ERC1: variants seen among roughly 807,000 people sequenced by gnomAD.
ERC1 encodes RAB6 interacting protein 2.
ERC1 carries 56 observed loss-of-function variants against 132.0 expected under a neutral mutation model. The observed-to-expected ratio is 0.42, with a 90% CI of 0.34 to 0.53. The LOEUF is 0.53. Among genes scored for constraint, ERC1 ranks in the 20% least tolerant of loss-of-function variants. ERC1 has a pLI of 0.03. For missense variants in ERC1, 1,202 were observed against 1,349.9 expected, an observed-to-expected ratio of 0.89 and a Z score of 1.72; for synonymous variants, 478 against 476.1, an observed-to-expected ratio of 1.00 and a Z score of -0.05.
intron 2 of ERC1, among the ~76,000 whole-genome samples, chr12:1,048,957 G>A (rs1036809826): frequency 6.6e-6 from 1 of 152,102 alleles, no homozygotes; most frequent in Non-Finnish European, 1.5e-5. Context: ...TCTTGCTTCG[G>A]ATCTCCCCTT....
chr12:1,096,056 G>A (rs4766066), intron 3 of ERC1, among the ~76,000 whole-genome samples: 150,856 of 152,108 alleles, frequency 0.99, 74,821 homozygotes, highest in East Asian at 1. Context: ...CCCCGCAAGT[G>A]GCTGGGACTA....
At chr12:1,266,320 T>G (rs2077474003) in intron 14 of ERC1, among the ~76,000 whole-genome samples, 1 of 151,832 alleles carries the variant, frequency 6.6e-6, no homozygotes, top group Admixed American at 6.6e-5. Context: ...TTTATACTTC[T>G]GAAGCCTTAC....
intron 3 of ERC1, among the ~76,000 whole-genome samples, chr12:1,091,478 C>T (rs1426560103): frequency 6.6e-6 from 1 of 152,000 alleles, no homozygotes; most frequent in African/African-American, 2.4e-5. Context: ...GGCTGGAGGG[C>T]AAGAATATAC....
At chr12:1,104,444 G>A (rs1945023820) in intron 3 of ERC1, among the ~76,000 whole-genome samples, 2 of 152,186 alleles carry the variant, frequency 1.3e-5, no homozygotes, top group Non-Finnish European at 1.5e-5. Flanking sequence ...GAGTTATGTG[G>A]AAGATTGACA....
Position 1,176,103 on chromosome 12 carries a change from C to T in ERC1, c.1738-4437C>T, listed in dbSNP as rs528096789. ...TCCAAAAAGTTTTCAATTTACTTTG[C>T]CCAGATCCATCAGAGGAATCACCAA... On this transcript the variant is annotated intron_variant, in intron 8 of 18. Coordinates refer to ENST00000360905, the MANE Select transcript of ERC1 (RefSeq NM_178040.4). Among the ~76,000 whole-genome samples, 96 of 152,270 alleles carry T rather than the reference C, an allele frequency of 6.3e-4. 1 individual carries two copies. The highest frequency in any genetic ancestry group is 2.1e-3 in the African/African-American group (89 of 41,546).
chr12:1,331,763 G>A (rs932969790), intron 15 of ERC1, among the ~76,000 whole-genome samples: 4 of 152,118 alleles, frequency 2.6e-5, no homozygotes, highest in Non-Finnish European at 5.9e-5. Flanking sequence ...GGCTGCTTTC[G>A]GATCCATATT....
chr12:1,357,643 C>T lies in ERC1; in HGVS notation c.2781-14190C>T, dbSNP rs181695411. Among the ~76,000 whole-genome samples the T allele has an allele frequency of 1.0e-3, 155 of 152,286 alleles. 2 individuals carry two copies. The highest frequency in any genetic ancestry group is 3.6e-3 in the African/African-American group (148 of 41,560). On this transcript the variant is annotated intron_variant, in intron 15 of 18. Coordinates refer to ENST00000360905, the MANE Select transcript of ERC1 (RefSeq NM_178040.4). ...CCTTAGTTTGAAGGGACTACATCTT[C>T]ATATGGGAAGATTGTATTCTGAAAT... is the stretch of plus-strand genomic sequence containing the variant.
chr12:1,107,084 T>C (rs1945344914), intron 4 of ERC1, among the ~76,000 whole-genome samples: 1 of 152,230 alleles, frequency 6.6e-6, no homozygotes, highest in African/African-American at 2.4e-5. Context: ...TGCCCTCTCC[T>C]CTTTCGCCTC....
At chr12:1,283,397 C>G (rs116379055) in intron 14 of ERC1, among the ~76,000 whole-genome samples, 1,979 of 152,260 alleles carry the variant, frequency 0.013, 43 homozygotes, top group African/African-American at 0.045. Flanking sequence ...GGTCTTTACC[C>G]TCGTTTCTCT....
chr12:1,455,120 T>C (rs1025711053), intron 18 of ERC1, among the ~76,000 whole-genome samples: 45 of 152,236 alleles, frequency 3.0e-4, no homozygotes, highest in African/African-American at 8.4e-4. Context: ...GAAATACTTA[T>C]TTTTGGAGTG....
intron 18 of ERC1, among the ~76,000 whole-genome samples, chr12:1,487,184 G>A (rs1175482691): frequency 6.6e-6 from 1 of 152,152 alleles, no homozygotes; most frequent in Non-Finnish European, 1.5e-5. Flanking sequence ...GGTGCACCAA[G>A]GCCGCGTGGT....
intron 13 of ERC1, among the ~76,000 whole-genome samples, chr12:1,253,530 G>A (rs1194676245): frequency 2.0e-5 from 3 of 152,020 alleles, no homozygotes; most frequent in Non-Finnish European, 2.9e-5. Flanking sequence ...TACAAAATTC[G>A]CCAGGCGTGG....
chr12:1,368,539 T>C (rs1405773133), intron 15 of ERC1, among the ~76,000 whole-genome samples: 1 of 152,192 alleles, frequency 6.6e-6, no homozygotes, highest in African/African-American at 2.4e-5. Context: ...AAGTGTGCCA[T>C]GTAAAACTTA....
At chr12:1,352,422 A>T (rs182047847) in intron 15 of ERC1, among the ~76,000 whole-genome samples, 2 of 152,344 alleles carry the variant, frequency 1.3e-5, no homozygotes, top group African/African-American at 2.4e-5. Flanking sequence ...AAATCACTGG[A>T]CCATCAGGCT....
intron 15 of ERC1, among the ~76,000 whole-genome samples, chr12:1,294,525 C>T (rs2079762556): frequency 6.6e-6 from 1 of 152,138 alleles, no homozygotes; most frequent in South Asian, 2.1e-4. Flanking sequence ...AATGTGCTTA[C>T]CTGTGTAGGG....
intron 8 of ERC1, among the ~76,000 whole-genome samples, chr12:1,159,256 G>A (rs1440236223): frequency 6.6e-6 from 1 of 152,150 alleles, no homozygotes; most frequent in South Asian, 2.1e-4. Flanking sequence ...CCATGCTGCA[G>A]GGGACAGTTT....
chr12:1,418,623 CTTTCTTTCTTTCTT>C (rs1352181786), intron 17 of ERC1, among the ~76,000 whole-genome samples: 1,865 of 125,802 alleles, frequency 0.015, 50 homozygotes, highest in African/African-American at 0.044. Context: ...TTCTTTCTTT[CTTTCTTTCTTTCTT>C]TCTTTCTCTC....
chr12:1,281,689 T>G (rs1230576726), intron 14 of ERC1, among the ~76,000 whole-genome samples: 1 of 152,244 alleles, frequency 6.6e-6, no homozygotes, highest in Non-Finnish European at 1.5e-5. Flanking sequence ...AATAATATTT[T>G]GCTGTCAAAG....
chr12:993,352 G>C (rs1419545833), intron 1 of ERC1, among the ~76,000 whole-genome samples: 2 of 152,230 alleles, frequency 1.3e-5, no homozygotes, highest in Non-Finnish European at 2.9e-5. Flanking sequence ...ATGGCTGGTA[G>C]TAAGCTGTGA....
Sources: allele counts gnomAD v4.1 joint callset (sites outside exome capture counted in the v4.1 genomes callset), GRCh38; gene constraint gnomAD v4.1.1; transcripts MANE v1.5; gene names NCBI Gene and HGNC (gene_info 2026-07-23, HGNC 2026-07-21).